The following APBA1 variants were observed in gnomAD, a reference collection of about 807,000 sequenced individuals.
The protein encoded by APBA1 is amyloid beta precursor protein binding family A member 1, also known as amyloid-beta A4 precursor protein-binding family A member 1.
A neutral mutation model predicts 86.6 loss-of-function variants in APBA1; 55 were observed. That is an observed-to-expected ratio of 0.64 (90% CI 0.51 to 0.80). The LOEUF (loss-of-function observed/expected upper bound fraction) is 0.80. APBA1 is among the 30% of genes least tolerant of loss of function. The pLI is 0.00. For synonymous variants in APBA1, 511 were observed against 493.9 expected (o/e 1.03, Z -0.46); for missense variants, 1,090 against 1,183.0 (o/e 0.92, Z 1.15).
chr9:69,557,682 C>A (rs1479021818), intron 1 of APBA1, among the ~76,000 whole-genome samples: 1 of 152,194 alleles, frequency 6.6e-6, no homozygotes. Context: ...AATGCAGTCA[C>A]TTTGAATGTT....
chr9:69,432,872 T>C (rs1371557192), intron 11 of APBA1, among the ~76,000 whole-genome samples, 196 bp from the exon 12 acceptor site: 1 of 152,226 alleles, frequency 6.6e-6, no homozygotes. Flanking sequence ...ACCTTGTTCA[T>C]GCGGCTTGCA....
intron 1 of APBA1, among the ~76,000 whole-genome samples, chr9:69,557,737 G>A (rs1037348503): frequency 1.3e-5 from 2 of 152,150 alleles, no homozygotes; most frequent in African/African-American, 2.4e-5. Context: ...TTTTGCTTTC[G>A]CCTTAAGAAG....
At chr9:69,518,510 G>A (rs571178058) in intron 1 of APBA1, among the ~76,000 whole-genome samples, 2 of 152,062 alleles carry the variant, frequency 1.3e-5, no homozygotes, top group Non-Finnish European at 2.9e-5. Context: ...GAAAGATTTG[G>A]TTTCAGTCTC....
At chr9:69,475,720 T>G (rs192185093) in intron 3 of APBA1, among the ~76,000 whole-genome samples, 6 of 152,392 alleles carry the variant, frequency 3.9e-5, no homozygotes, top group Admixed American at 3.3e-4. Flanking sequence ...TTTTGGTGTC[T>G]GAGGTCAAGT....
At chr9:69,664,245 A>C (rs1018212160) in intron 1 of APBA1, among the ~76,000 whole-genome samples, 1 of 152,230 alleles carries the variant, frequency 6.6e-6, no homozygotes, top group Non-Finnish European at 1.5e-5. Flanking sequence ...TTTAACACCA[A>C]TTGAAGTAAA....
chr9:69,643,203 T>C (rs1823323591), intron 1 of APBA1, among the ~76,000 whole-genome samples: 1 of 152,138 alleles, frequency 6.6e-6, no homozygotes, highest in Non-Finnish European at 1.5e-5. Context: ...AACCCAAAAT[T>C]GTTTGTGTAG....
chr9:69,469,249 A>G (rs1301557341), intron 4 of APBA1, among the ~76,000 whole-genome samples: 1 of 152,222 alleles, frequency 6.6e-6, no homozygotes, highest in Non-Finnish European at 1.5e-5. Context: ...GTCTTAAATT[A>G]GGTAACTTGT....
In APBA1 at chr9:69,611,306, A is replaced by C. The variant is rs1273660772; in HGVS notation, c.-70+60847T>G. Among the ~76,000 whole-genome samples the C allele has an allele frequency of 2.8e-3, 391 of 138,384 alleles. 2 individuals carry two copies. Among genetic ancestry groups the C allele is most frequent in the Admixed American group, 0.026 (348 of 13,572 alleles). 90.8% of individuals were successfully genotyped at this position (138,384 alleles called of 152,430 possible). On this transcript the variant is annotated intron_variant, in intron 1 of 12. Coordinates refer to ENST00000265381, the MANE Select transcript of APBA1 (RefSeq NM_001163.4). ...AAAGGAAAAAAAAAAAAAAAAAAAC[A>C]AAAAAAAAACCCAAACCGGCTAAAA... is the stretch of plus-strand genomic sequence containing the variant.
At chr9:69,568,235 AGTTGGCCT>A (rs1045682156) in intron 1 of APBA1, among the ~76,000 whole-genome samples, 1 of 152,166 alleles carries the variant, frequency 6.6e-6, no homozygotes, top group African/African-American at 2.4e-5. Context: ...TCCTAACCAG[AGTTGGCCT>A]GTGATCACAC....
intron 4 of APBA1, 61 bp downstream of exon 4, chr9:69,471,595 G>T: frequency 2.2e-6 from 3 of 1,346,042 alleles, no homozygotes; most frequent in Non-Finnish European, 3.2e-6. Context: ...TGCTTCATAT[G>T]CCCCAATGCT....
At chr9:69,545,940 G>C (rs1221016647) in intron 1 of APBA1, among the ~76,000 whole-genome samples, 3 of 152,282 alleles carry the variant, frequency 2.0e-5, no homozygotes, top group Middle Eastern at 6.8e-3. Context: ...AAAGAAAGAG[G>C]GGGTATTTGA....
At position 69,497,284 on chromosome 9, in the gene APBA1, C is replaced by T. The variant is rs531626597; in HGVS notation, c.1200+18727G>A. 1.2e-3 allele frequency among the ~76,000 whole-genome samples: 188 copies of T among 152,176 alleles called. 2 individuals carry two copies. The highest frequency in any genetic ancestry group is 4.4e-3 in the African/African-American group (181 of 41,534). The stretch of plus-strand genomic sequence containing the variant: ...AAGAGGAGGATCCACATGCCTCACC[C>T]AAGGGAGAAACCAAGCACTGAGATG... On this transcript the variant is annotated intron_variant, in intron 2 of 12. Transcript: ENST00000265381.
intron 10 of APBA1, among the ~76,000 whole-genome samples, chr9:69,448,660 T>C (rs1347161174): frequency 6.6e-6 from 1 of 151,850 alleles, no homozygotes; most frequent in Non-Finnish European, 1.5e-5. Flanking sequence ...CACGAATTAA[T>C]CCCCTTCCTT....
rs1588277640 is a variant in APBA1 at position 69,432,054 on chromosome 9, T to C, written c.2442+482A>G. 2.6e-5 allele frequency among the ~76,000 whole-genome samples: 4 copies of C among 152,044 alleles called. No homozygotes were observed. The South Asian group carries it at 6.2e-4, about 24-fold the overall frequency. On this transcript the variant is annotated intron_variant, in intron 12 of 12. Transcript: ENST00000265381. ...GATGACTGACAGTAGTGATGACTGA[T>C]AGGAGTGATGAATGGCAACAATGAT...
chr9:69,656,887 G>A (rs1823623448), intron 1 of APBA1, among the ~76,000 whole-genome samples: 1 of 141,970 alleles, frequency 7.0e-6, no homozygotes, highest in Non-Finnish European at 1.5e-5. Context: ...CGCCCAGGCC[G>A]GACTGCGGAC....
At chr9:69,661,840 T>A (rs967591399) in intron 1 of APBA1, among the ~76,000 whole-genome samples, 12 of 152,066 alleles carry the variant, frequency 7.9e-5, no homozygotes, top group Non-Finnish European at 1.8e-4. Context: ...TCGCACACAC[T>A]CGCTGTCTTT....
At chr9:69,552,528 T>A (rs1181309048) in intron 1 of APBA1, among the ~76,000 whole-genome samples, 1 of 152,250 alleles carries the variant, frequency 6.6e-6, no homozygotes, top group East Asian at 1.9e-4. Flanking sequence ...CAACCCAATT[T>A]GTTCTTTTCT....
At chr9:69,465,350 C>G (rs1290577607) in intron 5 of APBA1, 1 of 152,192 alleles carries the variant, frequency 6.6e-6, no homozygotes, top group Non-Finnish European at 1.5e-5. Context: ...GCCCAGGTGG[C>G]ATATCTGGTA....
chr9:69,559,795 T>C (rs1836920486), intron 1 of APBA1, among the ~76,000 whole-genome samples: 1 of 152,226 alleles, frequency 6.6e-6, no homozygotes, highest in East Asian at 1.9e-4. Flanking sequence ...TATTCATCTT[T>C]AGTGTTCTAA....
Sources: gnomAD v4.1 joint callset for allele counts (sites outside exome capture counted in the v4.1 genomes callset) on GRCh38, gnomAD v4.1.1 for gene constraint, MANE v1.5 for transcripts, NCBI Gene and HGNC (gene_info 2026-07-23, HGNC 2026-07-21) for gene names.